Variants in PRKCA observed in about 807,000 individuals in gnomAD.
PRKCA encodes protein kinase C alpha type.
A neutral mutation model predicts 87.0 loss-of-function variants in PRKCA; 27 were observed. The observed-to-expected ratio is 0.31, with a 90% CI of 0.23 to 0.43. The LOEUF (loss-of-function observed/expected upper bound fraction) is 0.43. Among genes scored for constraint, PRKCA ranks in the 20% least tolerant of loss-of-function variants. The pLI is 1.00. For synonymous variants in PRKCA, 329 were observed against 311.1 expected (o/e 1.06, Z -0.61); for missense variants, 518 against 852.3 (o/e 0.61, Z 4.88).
chr17:66,737,814 G>A (rs1974071774), intron 10 of PRKCA, among the ~76,000 whole-genome samples: 1 of 152,216 alleles, frequency 6.6e-6, no homozygotes, highest in Non-Finnish European at 1.5e-5. Flanking sequence ...CCCAGAGCCT[G>A]TAACCCTGGT....
chr17:66,384,493 G>A (rs1031981559), intron 2 of PRKCA, among the ~76,000 whole-genome samples: 5 of 152,066 alleles, frequency 3.3e-5, no homozygotes, highest in African/African-American at 4.8e-5. Context: ...AGAATAAAAC[G>A]TTTTCTTATA....
Position 66,732,801 on chromosome 17 carries a change from G to A in PRKCA, c.1032G>A (p.Val344=). The part of the protein sequence containing the change: ...VKLTDFNFLM[V]LGKGSFGKVM... ...TCACGGACTTCAATTTCCTCATGGT[G>A]TTGGGAAAGGGGAGTTTTGGAAAGG... The change falls in exon 9 of 17, where the codon GTG becomes GTA. Residue 344 remains valine (V), a synonymous_variant. Coordinates refer to ENST00000413366, the MANE Select transcript of PRKCA (RefSeq NM_002737.3). 1 of 1,614,088 alleles carries A rather than the reference G, an allele frequency of 6.2e-7. No individual in the cohort carries two copies. The highest frequency in any genetic ancestry group is 2.2e-5 in the East Asian group (1 of 44,884).
In PRKCA at chr17:66,730,110, C is replaced by T. The variant is rs556537355; in HGVS notation, c.919-2578C>T. ...CTGGCCACAAGCAAGTTATTGTTAT[C>T]GGAGAAAAGCATCACCCAACAGCAC... On this transcript the variant is annotated intron_variant, in intron 8 of 16. Transcript: ENST00000413366. Among the ~76,000 whole-genome samples, 5 of 152,214 alleles carry T rather than the reference C, an allele frequency of 3.3e-5. No individual in the cohort carries two copies. In the South Asian group the frequency reaches 8.3e-4, roughly 25 times the overall value.
chr17:66,737,806 C>T (rs1974071540), intron 10 of PRKCA, among the ~76,000 whole-genome samples: 5 of 152,226 alleles, frequency 3.3e-5, no homozygotes, highest in Admixed American at 2.0e-4. Context: ...AATCCCAGCC[C>T]AGAGCCTGTA....
Position 66,738,980 on chromosome 17 carries a change from T to C in PRKCA, c.1322+125T>C, listed in dbSNP as rs1598908608. ...GTCACTCAGGCTTTGCCTCCCAGGC[T>C]CGGGTGATTCTCCCACCTCAGCCTC... On this transcript the variant is annotated intron_variant, in intron 11 of 16. Coordinates refer to ENST00000413366, the MANE Select transcript of PRKCA (RefSeq NM_002737.3). 5 of 707,944 alleles carry C rather than the reference T, an allele frequency of 7.1e-6. No homozygotes were observed. In the East Asian group the frequency reaches 8.5e-5, roughly 12 times the overall value. The allele number at this position is 707,944 out of a possible 1,614,324, so 43.9% of individuals were successfully genotyped here. A position where few individuals can be genotyped will look rare whatever the true frequency, so the allele number is the denominator to read the frequency against.
At chr17:66,463,965 C>T (rs1001041016) in intron 2 of PRKCA, among the ~76,000 whole-genome samples, 11 of 152,190 alleles carry the variant, frequency 7.2e-5, no homozygotes, top group African/African-American at 1.9e-4. Flanking sequence ...TCATATACAG[C>T]TACTATTCTA....
rs1387428766 is a variant in PRKCA at position 66,798,498 on chromosome 17, T to C, written c.1855-5375T>C. Among the ~76,000 whole-genome samples, 7 of 81,150 alleles carry C rather than the reference T, an allele frequency of 8.6e-5. 1 individual carries two copies. Among genetic ancestry groups the C allele is most frequent in the Admixed American group, 2.5e-4 (2 of 8,062 alleles). 53.2% of individuals were successfully genotyped at this position (81,150 alleles called of 152,430 possible). On this transcript the variant is annotated intron_variant, in intron 16 of 16. Coordinates refer to ENST00000413366, the MANE Select transcript of PRKCA (RefSeq NM_002737.3). ...GTGGTGGTGGTGGTGACGGTGGTGG[T>C]GGTGGTGGTGACGGTGGTGACGGTG... is the stretch of plus-strand genomic sequence containing the variant.
intron 13 of PRKCA, among the ~76,000 whole-genome samples, chr17:66,752,002 C>T (rs1051631216): frequency 3.3e-5 from 5 of 152,224 alleles, no homozygotes; most frequent in African/African-American, 1.2e-4. Flanking sequence ...CCCACCAGGC[C>T]CCACCTCCAG....
intron 8 of PRKCA, among the ~76,000 whole-genome samples, chr17:66,714,909 CT>C (rs2046252960): frequency 6.6e-6 from 1 of 152,122 alleles, no homozygotes; most frequent in South Asian, 2.1e-4. Context: ...TCCCATTGAG[CT>C]ATAATTAGGC....
rs562723960 is a variant in PRKCA, at chr17:66,567,689, C to T, written c.288+71406C>T. On this transcript the variant is annotated intron_variant, in intron 3 of 16. Transcript: ENST00000413366. Reference sequence around the variant, plus strand: ...TCATGGAAATAAAAAGCCCTGCTAACATCACAAAGAGGCTGAAAATTCCAG... The same window carrying T: ...TCATGGAAATAAAAAGCCCTGCTAATATCACAAAGAGGCTGAAAATTCCAG... Among the ~76,000 whole-genome samples, 4 of 152,318 alleles carry T rather than the reference C, an allele frequency of 2.6e-5. No homozygotes were observed. In the South Asian group the frequency reaches 8.3e-4, roughly 32 times the overall value.
Position 66,724,714 on chromosome 17 carries a change from CACTT to C in PRKCA, c.919-7970_919-7967del, listed in dbSNP as rs536354407. ...ATTGCTGGAGTAAAGGATGCCAGCA[CACTT>C]ACTCTTCTGCTTCCTCAGGTTTTCT... On this transcript the variant is annotated intron_variant, in intron 8 of 16. Transcript: ENST00000413366. Among the ~76,000 whole-genome samples the C allele has an allele frequency of 6.2e-4, 95 of 152,370 alleles. 2 individuals carry two copies. The South Asian group carries it at 0.019, about 30-fold the overall frequency.
intron 13 of PRKCA, among the ~76,000 whole-genome samples, chr17:66,765,043 CA>C (rs1162478212): frequency 6.6e-6 from 1 of 152,188 alleles, no homozygotes; most frequent in African/African-American, 2.4e-5. Flanking sequence ...AAGTAAAATA[CA>C]AGCCGAAACT....
chr17:66,492,929 A>T (rs1916306860), intron 2 of PRKCA, among the ~76,000 whole-genome samples: 1 of 152,170 alleles, frequency 6.6e-6, no homozygotes, highest in Admixed American at 6.5e-5. Context: ...TGCAGGGCAG[A>T]CAGGTGTGGC....
intron 2 of PRKCA, among the ~76,000 whole-genome samples, chr17:66,363,693 CTTATTTAT>C (rs112589987): frequency 3.3e-5 from 5 of 151,132 alleles, no homozygotes; most frequent in Non-Finnish European, 7.4e-5. Flanking sequence ...TAGGGATGGG[CTTATTTAT>C]TTATTTATTT....
At chr17:66,676,936 A>C (rs546966162) in intron 5 of PRKCA, among the ~76,000 whole-genome samples, 2 of 152,302 alleles carry the variant, frequency 1.3e-5, no homozygotes, top group Admixed American at 1.3e-4. Context: ...TCAAAGCAGA[A>C]GGAACCTAAG....
At chr17:66,340,109 T>G (rs1906948583) in intron 2 of PRKCA, 1 of 152,210 alleles carries the variant, frequency 6.6e-6, no homozygotes. Flanking sequence ...GTTAAACATG[T>G]CTTCATCTCA....
chr17:66,511,327 G>A (rs1024948628), intron 3 of PRKCA, among the ~76,000 whole-genome samples: 3 of 152,154 alleles, frequency 2.0e-5, no homozygotes, highest in Non-Finnish European at 4.4e-5. Flanking sequence ...TAAACAGGTT[G>A]TTCTCCAGTT....
At chr17:66,436,815 C>T (rs905440411) in intron 2 of PRKCA, among the ~76,000 whole-genome samples, 1 of 152,120 alleles carries the variant, frequency 6.6e-6, no homozygotes, top group Non-Finnish European at 1.5e-5. Context: ...AATCGAGAGA[C>T]TGTGTTGTCA....
chr17:66,536,950 T>A (rs1967811832), intron 3 of PRKCA, among the ~76,000 whole-genome samples: 1 of 152,204 alleles, frequency 6.6e-6, no homozygotes, highest in African/African-American at 2.4e-5. Context: ...TAAAATCCTC[T>A]CCACCATATC....
Sources: gnomAD v4.1 joint callset for allele counts (sites outside exome capture counted in the v4.1 genomes callset) on GRCh38, gnomAD v4.1.1 for gene constraint, MANE v1.5 for transcripts, NCBI Gene and HGNC (gene_info 2026-07-23, HGNC 2026-07-21) for gene names.